B3GALT1: variants seen among roughly 807,000 people sequenced by gnomAD.
B3GALT1 encodes the protein UDP-Gal:betaGlcNAc beta 1,3-galactosyltransferase, polypeptide 1.
B3GALT1 carries 10 observed loss-of-function variants against 23.2 expected under a neutral mutation model. The observed-to-expected ratio is 0.43, with a 90% CI of 0.27 to 0.73. The LOEUF (loss-of-function observed/expected upper bound fraction) is 0.73. Ranked by LOEUF, B3GALT1 falls within the 30% of genes least tolerant of loss-of-function variation. The pLI, the probability that B3GALT1 is intolerant of heterozygous loss-of-function variation, is 0.21. For synonymous variants in B3GALT1, 156 were observed against 141.5 expected, an observed-to-expected ratio of 1.10 and a Z score of -0.73; for missense variants, 299 against 405.4, an observed-to-expected ratio of 0.74 and a Z score of 2.25.
intron 2 of B3GALT1, among the ~76,000 whole-genome samples, chr2:167,610,067 G>A (rs545272104): frequency 1.3e-5 from 2 of 152,054 alleles, no homozygotes; most frequent in Non-Finnish European, 2.9e-5. Flanking sequence ...TTTTTGAGAG[G>A]AAAATGAGGA....
intron 1 of B3GALT1, among the ~76,000 whole-genome samples, chr2:167,374,764 T>G (rs1428478516): frequency 1.3e-5 from 2 of 152,178 alleles, no homozygotes; most frequent in Non-Finnish European, 2.9e-5. Flanking sequence ...ATGCATAGTT[T>G]GCAAATATTT....
chr2:167,837,269 T>C (rs1689501580), intron 4 of B3GALT1, among the ~76,000 whole-genome samples: 1 of 152,108 alleles, frequency 6.6e-6, no homozygotes, highest in Admixed American at 6.5e-5. Context: ...CAGTGTGCTG[T>C]ATTCAGGAAA....
At chr2:167,417,649 A>G (rs1698490342) in intron 1 of B3GALT1, among the ~76,000 whole-genome samples, 1 of 152,204 alleles carries the variant, frequency 6.6e-6, no homozygotes, top group African/African-American at 2.4e-5. Flanking sequence ...GGAAATTTCT[A>G]GGACTCATTG....
chr2:167,522,356 T>C (rs999318399), intron 2 of B3GALT1, among the ~76,000 whole-genome samples: 2 of 152,094 alleles, frequency 1.3e-5, no homozygotes, highest in Admixed American at 6.6e-5. Context: ...AGCTTTGTTC[T>C]TTCTTTATTT....
intron 2 of B3GALT1, among the ~76,000 whole-genome samples, chr2:167,501,585 C>T (rs1003940401): frequency 6.6e-5 from 10 of 151,648 alleles, no homozygotes; most frequent in Non-Finnish European, 1.5e-4. Flanking sequence ...AGATTTTTAT[C>T]ATTATGAAAC....
rs554863145 is a variant in B3GALT1 at position 167,360,275 on chromosome 2, A to T, written c.-511+66941A>T. On this transcript the variant is annotated intron_variant, in intron 1 of 4. Transcript: ENST00000392690. ...ATTCTGCCAGTTCAGCCAAGTGTAT[A>T]GTAAGCAACTACATACTTCTGCTAT... 4.3e-4 allele frequency among the ~76,000 whole-genome samples: 65 copies of T among 152,340 alleles called. No individual in the cohort carries two copies. The South Asian group carries it at 0.012, about 29-fold the overall frequency.
intron 1 of B3GALT1, among the ~76,000 whole-genome samples, chr2:167,319,567 A>G (rs1696775840): frequency 6.6e-6 from 1 of 152,132 alleles, no homozygotes. Flanking sequence ...TGGATTTTCT[A>G]AGAGTTATCT....
chr2:167,540,077 A>G (rs1003631840), intron 2 of B3GALT1, among the ~76,000 whole-genome samples: 2 of 152,110 alleles, frequency 1.3e-5, no homozygotes, highest in Admixed American at 6.6e-5. Context: ...TGCTTGGGAA[A>G]ACACTAGTCA....
chr2:167,713,705 G>A (rs1400201621), intron 3 of B3GALT1: 1 of 1,508,222 alleles, frequency 6.6e-7, no homozygotes, highest in Admixed American at 1.7e-5. Flanking sequence ...TCCTTTGAAG[G>A]TGGAATCAAC....
intron 2 of B3GALT1, among the ~76,000 whole-genome samples, chr2:167,556,660 T>C (rs979195166): frequency 6.6e-6 from 1 of 151,990 alleles, no homozygotes; most frequent in African/African-American, 2.4e-5. Context: ...TACCAAAGAG[T>C]TGTAGGAAAC....
chr2:167,515,166 A>C (rs1227738685), intron 2 of B3GALT1, among the ~76,000 whole-genome samples: 1 of 152,162 alleles, frequency 6.6e-6, no homozygotes, highest in Non-Finnish European at 1.5e-5. Flanking sequence ...GGGAAACAAA[A>C]ATAATGTTTT....
intron 3 of B3GALT1, among the ~76,000 whole-genome samples, chr2:167,664,921 G>C (rs1415717962): frequency 6.7e-6 from 1 of 150,016 alleles, no homozygotes; most frequent in Non-Finnish European, 1.5e-5. Context: ...GGGACAATTT[G>C]ACTTCCTCTT....
intron 3 of B3GALT1, among the ~76,000 whole-genome samples, chr2:167,709,757 A>G (rs1435122916): frequency 6.6e-6 from 1 of 152,132 alleles, no homozygotes; most frequent in Non-Finnish European, 1.5e-5. Context: ...TCTCATTTCC[A>G]AAGATAAGAG....
chr2:167,542,053 A>T (rs989761096), intron 2 of B3GALT1, among the ~76,000 whole-genome samples: 1 of 151,966 alleles, frequency 6.6e-6, no homozygotes, highest in African/African-American at 2.4e-5. Context: ...TTCTGAACCT[A>T]TTTATTTATT....
intron 1 of B3GALT1, among the ~76,000 whole-genome samples, chr2:167,326,190 GT>G (rs55746775): frequency 4.8e-4 from 67 of 139,536 alleles, no homozygotes; most frequent in African/African-American, 1.1e-3. Context: ...GTGATGTTGA[GT>G]TTTTTTTTTT....
intron 3 of B3GALT1, among the ~76,000 whole-genome samples, chr2:167,784,375 A>G (rs1325465536): frequency 6.6e-6 from 1 of 152,230 alleles, no homozygotes; most frequent in Admixed American, 6.5e-5. Context: ...GTAAATGTTC[A>G]TCGAGGTAGT....
chr2:167,307,010 A>T (rs1485755530), intron 1 of B3GALT1, among the ~76,000 whole-genome samples: 1 of 152,064 alleles, frequency 6.6e-6, no homozygotes, highest in Non-Finnish European at 1.5e-5. Context: ...CAATTGGACC[A>T]TCTCCTAATC....
intron 1 of B3GALT1, among the ~76,000 whole-genome samples, chr2:167,456,227 G>A (rs538008578): frequency 6.6e-6 from 1 of 152,212 alleles, no homozygotes; most frequent in South Asian, 2.1e-4. Flanking sequence ...ATGGCAAGAG[G>A]GAGTGAGAGA....
At chr2:167,381,654 C>T (rs79829606) in intron 1 of B3GALT1, among the ~76,000 whole-genome samples, 1,629 of 152,204 alleles carry the variant, frequency 0.011, 27 homozygotes, top group African/African-American at 0.036. Flanking sequence ...TTGAAGAAAG[C>T]GTATGTAAAC....
Sources: gnomAD v4.1 joint callset for allele counts (sites outside exome capture counted in the v4.1 genomes callset) on GRCh38, gnomAD v4.1.1 for gene constraint, MANE v1.5 for transcripts, NCBI Gene and HGNC (gene_info 2026-07-23, HGNC 2026-07-21) for gene names.